SIRT1: variants seen among roughly 807,000 people sequenced by gnomAD.
The protein encoded by SIRT1 is sirtuin 1.
SIRT1 carries 24 observed loss-of-function variants against 67.9 expected under a neutral mutation model. The observed-to-expected ratio is 0.35, with a 90% CI of 0.26 to 0.50. The LOEUF (loss-of-function observed/expected upper bound fraction) is 0.50, where lower values mean the gene tolerates loss of function less well. Ranked by LOEUF, SIRT1 falls within the 20% of genes least tolerant of loss-of-function variation. SIRT1 has a pLI of 0.98. For missense variants in SIRT1, 873 were observed against 937.2 expected (o/e 0.93, Z 0.89); for synonymous variants, 378 against 350.7 (o/e 1.08, Z -0.87).
chr10:67,914,393 G>T (rs891598731), intron 8 of SIRT1, among the ~76,000 whole-genome samples: 1 of 152,102 alleles, frequency 6.6e-6, no homozygotes, highest in Non-Finnish European at 1.5e-5. Flanking sequence ...TCTACTTGGA[G>T]ATTAGATTAC....
At chr10:67,911,848 G>C (rs1434679928) in intron 7 of SIRT1, among the ~76,000 whole-genome samples, 1 of 129,108 alleles carries the variant, frequency 7.7e-6, no homozygotes, top group Non-Finnish European at 1.6e-5. Context: ...GCATGATCTC[G>C]GCTCACTGCA....
At chr10:67,896,017 C>T (rs1354138561) in intron 4 of SIRT1, among the ~76,000 whole-genome samples, 1 of 151,994 alleles carries the variant, frequency 6.6e-6, no homozygotes, top group African/African-American at 2.4e-5. Context: ...GGATTACAGG[C>T]GTGAGTCTCC....
chr10:67,885,941 C>CCTT (rs1384555771), intron 1 of SIRT1, among the ~76,000 whole-genome samples: 3 of 95,564 alleles, frequency 3.1e-5, no homozygotes, highest in African/African-American at 1.2e-4. Flanking sequence ...TTGAAGGTTT[C>CCTT]TTTTTTTTTT....
chr10:67,894,360 TTAAA>T (rs920108429), intron 4 of SIRT1, among the ~76,000 whole-genome samples: 11 of 152,340 alleles, frequency 7.2e-5, no homozygotes, highest in African/African-American at 2.6e-4. Context: ...CATACCTGGA[TTAAA>T]TAAATAATGT....
At chr10:67,905,545 C>T (rs1486185198) in intron 4 of SIRT1, among the ~76,000 whole-genome samples, 2 of 152,070 alleles carry the variant, frequency 1.3e-5, no homozygotes, top group African/African-American at 4.8e-5. Flanking sequence ...GTAGTAGAAC[C>T]TAGAAGTTGC....
chr10:67,895,231 C>T (rs558320966), intron 4 of SIRT1, among the ~76,000 whole-genome samples: 118 of 152,052 alleles, frequency 7.8e-4, no homozygotes, highest in Non-Finnish European at 1.4e-3. Context: ...ACCAGCCTGG[C>T]CAACACAGCA....
chr10:67,885,072 C>A lies in SIRT1; in HGVS notation c.351C>A (p.Ala117=), dbSNP rs1203239799. The change falls in exon 1 of 9, where the codon GCC becomes GCA. Residue 117 remains alanine, a synonymous_variant. Coordinates refer to ENST00000212015, the MANE Select transcript of SIRT1 (RefSeq NM_012238.5). ...LQGPSREPPL[A]DNLYDEDDDD... ...GCCCATCTCGGGAGCCACCGCTGGC[C>A]GACAACTTGTACGACGAAGACGACG... is the stretch of plus-strand genomic sequence containing the variant. 2.1e-6 allele frequency: 3 copies of A among 1,439,674 alleles called. No individual in the cohort carries two copies. Among genetic ancestry groups the A allele is most frequent in the Non-Finnish European group, 2.8e-6 (3 of 1,089,818 alleles). 89.2% of individuals were successfully genotyped at this position (1,439,674 alleles called of 1,614,324 possible).
chr10:67,900,034 A>G (rs1476037361), intron 4 of SIRT1, among the ~76,000 whole-genome samples: 1 of 152,180 alleles, frequency 6.6e-6, no homozygotes, highest in East Asian at 1.9e-4. Flanking sequence ...CAGTGAGCCA[A>G]TAATATGCTG....
At chr10:67,909,497 G>A in intron 7 of SIRT1, 55 bp downstream of exon 7, 1 of 1,464,648 alleles carries the variant, frequency 6.8e-7, no homozygotes, top group Admixed American at 2.2e-5. Flanking sequence ...CATGGGTTGT[G>A]GGTCTGTATA....
chr10:67,894,374 T>G (rs1842621399), intron 4 of SIRT1, among the ~76,000 whole-genome samples: 1 of 152,066 alleles, frequency 6.6e-6, no homozygotes, highest in Admixed American at 6.5e-5. Context: ...ATAAATAATG[T>G]AAAGTTATTT....
intron 4 of SIRT1, among the ~76,000 whole-genome samples, chr10:67,904,517 C>G (rs1397904247): frequency 1.3e-5 from 2 of 152,076 alleles, no homozygotes; most frequent in Non-Finnish European, 2.9e-5. Context: ...AAGTATGAGT[C>G]AAAGACTCAA....
rs200288676 is a variant in SIRT1, at chr10:67,912,721, A to G, written c.1605A>G (p.Ser535=). Residue 535 remains serine (S), a synonymous_variant, in exon 8 of 9, where the codon TCA becomes TCG. Coordinates refer to ENST00000212015, the MANE Select transcript of SIRT1 (RefSeq NM_012238.5). ...TGCCACCCACACCTCTTCATGTTTC[A>G]GAAGACTCAAGTTCACCAGAAAGAA... ...SELPPTPLHV[S]EDSSSPERTS... 128 of 1,614,052 alleles carry G rather than the reference A, an allele frequency of 7.9e-5. No homozygotes were observed. The highest frequency in any genetic ancestry group is 9.9e-5 in the Non-Finnish European group (117 of 1,180,044).
In SIRT1 at chr10:67,916,244, AT is replaced by A; in HGVS notation, c.1916-16del. The A allele has an allele frequency of 6.3e-7, 1 of 1,579,074 alleles. No homozygotes were observed. The highest frequency in any genetic ancestry group is 8.6e-7 in the Non-Finnish European group (1 of 1,156,394). On this transcript the variant is annotated intron_variant, in intron 8 of 8. Coordinates refer to ENST00000212015, the MANE Select transcript of SIRT1 (RefSeq NM_012238.5). ...TTAGTGTTAGAAAACTGAAAGTAAC[AT>A]TTTTATTACTGTATTTCAGGTAATC...
At chr10:67,886,104 A>T (rs1259131908) in intron 1 of SIRT1, among the ~76,000 whole-genome samples, 1 of 151,540 alleles carries the variant, frequency 6.6e-6, no homozygotes, top group Non-Finnish European at 1.5e-5. Context: ...CACCACGCCC[A>T]GCTAATTTTT....
At chr10:67,914,497 G>A (rs1425165261) in intron 8 of SIRT1, among the ~76,000 whole-genome samples, 1 of 152,110 alleles carries the variant, frequency 6.6e-6, no homozygotes. Flanking sequence ...AGCATAGAGG[G>A]ATGCTTACGT....
intron 4 of SIRT1, among the ~76,000 whole-genome samples, chr10:67,892,188 A>C (rs1842584282): frequency 6.6e-6 from 1 of 152,256 alleles, no homozygotes; most frequent in African/African-American, 2.4e-5. Flanking sequence ...TATTCATCAA[A>C]TATTAAACAA....
intron 4 of SIRT1, among the ~76,000 whole-genome samples, chr10:67,892,336 C>T (rs1842586909): frequency 6.6e-6 from 1 of 151,952 alleles, no homozygotes; most frequent in Non-Finnish European, 1.5e-5. Context: ...TTTGGGAGGC[C>T]AAGGTGGGAG....
chr10:67,891,039 AAAAAC>A (rs1366481181), intron 3 of SIRT1, among the ~76,000 whole-genome samples: 6 of 151,690 alleles, frequency 4.0e-5, no homozygotes, highest in Non-Finnish European at 5.9e-5. Flanking sequence ...CAAAAAAAAA[AAAAAC>A]AAAAAAAAAA....
rs548633982 is a variant in SIRT1, at chr10:67,910,492, C to T, written c.1357+1050C>T. Among the ~76,000 whole-genome samples the T allele has an allele frequency of 2.0e-5, 3 of 152,244 alleles. No homozygotes were observed. The South Asian group carries it at 6.2e-4, about 32-fold the overall frequency. On this transcript the variant is annotated intron_variant, in intron 7 of 8. Coordinates refer to ENST00000212015, the MANE Select transcript of SIRT1 (RefSeq NM_012238.5). ...TTGGTGGAATGTGTTTTTAATGTTG[C>T]AAGGGTTAGCATCAATTAATTTATG...
Sources: allele counts gnomAD v4.1 joint callset (sites outside exome capture counted in the v4.1 genomes callset), GRCh38; gene constraint gnomAD v4.1.1; transcripts MANE v1.5; gene names NCBI Gene and HGNC (gene_info 2026-07-23, HGNC 2026-07-21).